Variants in OR2L13 observed in about 807,000 individuals in gnomAD.
OR2L13 encodes olfactory receptor 2L13.
OR2L13 carries 14 observed loss-of-function variants against 15.3 expected under a neutral mutation model. The ratio of observed to expected loss-of-function variants is 0.91; its 90% confidence interval spans 0.60 to 1.43. OR2L13 has a LOEUF of 1.43. Ranked by LOEUF, OR2L13 falls within the 40% of genes most tolerant of loss-of-function variation. OR2L13 has a pLI of 0.00. For missense variants in OR2L13, 367 were observed against 387.9 expected, an observed-to-expected ratio of 0.95 and a Z score of 0.45; for synonymous variants, 152 against 142.9, an observed-to-expected ratio of 1.06 and a Z score of -0.45.
At chr1:248,082,269 A>C in the OR2L13 span, among the ~76,000 whole-genome samples, 1 of 142,100 alleles carries the variant, frequency 7.0e-6, no homozygotes, top group Non-Finnish European at 1.5e-5. Flanking sequence ...ACATATTCTC[A>C]CTCATAGGTG....
At chr1:248,070,162 C>A in the OR2L13 span, among the ~76,000 whole-genome samples, 1 of 152,176 alleles carries the variant, frequency 6.6e-6, no homozygotes, top group Non-Finnish European at 1.5e-5. Context: ...CCCAAATCAA[C>A]AGAATATACA....
the OR2L13 span, among the ~76,000 whole-genome samples, chr1:247,940,068 T>C: frequency 1.3e-5 from 2 of 152,212 alleles, no homozygotes; most frequent in Non-Finnish European, 2.9e-5. Context: ...AAATTACCAT[T>C]ATTCATTGAA....
the OR2L13 span, chr1:248,022,343 C>G: frequency 1.2e-6 from 2 of 1,614,142 alleles, no homozygotes; most frequent in Non-Finnish European, 8.5e-7. Flanking sequence ...TCCACTATCC[C>G]ATCCGTATGA....
chr1:248,082,276 G>A, the OR2L13 span, among the ~76,000 whole-genome samples: 4 of 142,222 alleles, frequency 2.8e-5, no homozygotes, highest in African/African-American at 1.1e-4. Context: ...CTCACTCATA[G>A]GTGGGAATTG....
chr1:248,043,242 G>T, the OR2L13 span, among the ~76,000 whole-genome samples: 10 of 152,286 alleles, frequency 6.6e-5, no homozygotes, highest in South Asian at 4.1e-4. Flanking sequence ...ATAGCTGAAA[G>T]TCAGGTAGAG....
At chr1:248,043,115 G>C in the OR2L13 span, among the ~76,000 whole-genome samples, 1 of 151,758 alleles carries the variant, frequency 6.6e-6, no homozygotes, top group South Asian at 2.1e-4. Context: ...TATTTCTGCG[G>C]TGTCCAGGTA....
At chr1:247,996,223 A>T in the OR2L13 span, among the ~76,000 whole-genome samples, 1 of 152,216 alleles carries the variant, frequency 6.6e-6, no homozygotes, top group African/African-American at 2.4e-5. Flanking sequence ...CTCCTGCCTC[A>T]GTCTCCCCAT....
chr1:248,001,494 T>C, the OR2L13 span, among the ~76,000 whole-genome samples: 1 of 151,994 alleles, frequency 6.6e-6, no homozygotes, highest in Non-Finnish European at 1.5e-5. Flanking sequence ...TGTTTCTTAG[T>C]TGGCTTAAAT....
the OR2L13 span, among the ~76,000 whole-genome samples, chr1:248,011,779 G>C: frequency 8.0e-4 from 122 of 152,166 alleles, 1 homozygote; most frequent in African/African-American, 2.6e-3. Flanking sequence ...ATTTTGGTCT[G>C]TTACCACTCC....
At chr1:248,038,949 C>A in the OR2L13 span, 121 of 1,614,044 alleles carry the variant, frequency 7.5e-5, no homozygotes, top group Non-Finnish European at 1.0e-4. Flanking sequence ...CTACCGCATG[C>A]ACTCTGCAGA....
the OR2L13 span, chr1:247,949,876 C>T: frequency 8.5e-7 from 1 of 1,171,592 alleles, no homozygotes; most frequent in Admixed American, 2.6e-5. Context: ...TTATGTCCTT[C>T]CTAGAGTGCA....
the OR2L13 span, chr1:248,060,848 C>T: frequency 1.2e-6 from 2 of 1,613,978 alleles, no homozygotes; most frequent in Non-Finnish European, 1.7e-6. Flanking sequence ...CATCTCCACA[C>T]ACCCATGTAT....
the OR2L13 span, chr1:248,084,236 G>A: frequency 2.5e-6 from 4 of 1,611,836 alleles, no homozygotes; most frequent in African/African-American, 4.0e-5. Flanking sequence ...CAGCCGCATA[G>A]CGGTCATAGG....
chr1:247,991,694 C>T, the OR2L13 span, among the ~76,000 whole-genome samples: 113 of 149,716 alleles, frequency 7.5e-4, 11 homozygotes, highest in African/African-American at 2.5e-3. Flanking sequence ...TTCTCTTCTG[C>T]ACAATTTTAT....
At chr1:248,048,191 C>T in the OR2L13 span, among the ~76,000 whole-genome samples, 11 of 152,118 alleles carry the variant, frequency 7.2e-5, no homozygotes, top group African/African-American at 2.7e-4. Context: ...CCATCGTGGA[C>T]CTCAATGGCA....
At chr1:247,965,219 C>T in the OR2L13 span, 2 of 851,724 alleles carry the variant, frequency 2.3e-6, no homozygotes, top group East Asian at 3.1e-5. Context: ...CATTTTGTAC[C>T]AGAAAGCACT....
At chr1:248,035,495 G>A in the OR2L13 span, 1 of 151,934 alleles carries the variant, frequency 6.6e-6, no homozygotes, top group East Asian at 1.9e-4. Context: ...TGAAGCTGTG[G>A]GTTAAATTCT....
chr1:248,083,570 GA>G, the OR2L13 span: 4 of 1,068,962 alleles, frequency 3.7e-6, no homozygotes, highest in Non-Finnish European at 5.6e-6. Flanking sequence ...CTACTAAAGG[GA>G]GAGAATTACA....
At chr1:248,019,069 G>A in the OR2L13 span, among the ~76,000 whole-genome samples, 2 of 151,642 alleles carry the variant, frequency 1.3e-5, no homozygotes, top group African/African-American at 2.4e-5. Context: ...TCTGCCTTTG[G>A]GGTATTGTGA....
Sources: gnomAD v4.1 joint callset for allele counts (sites outside exome capture counted in the v4.1 genomes callset) on GRCh38, gnomAD v4.1.1 for gene constraint, MANE v1.5 for transcripts, NCBI Gene and HGNC (gene_info 2026-07-23, HGNC 2026-07-21) for gene names.